SDS: variants seen among roughly 807,000 people sequenced by gnomAD.
SDS encodes serine dehydratase.
A neutral mutation model predicts 29.3 loss-of-function variants in SDS; 19 were observed. The observed-to-expected ratio is 0.65, with a 90% confidence interval of 0.45 to 0.95. The LOEUF is 0.95. Among genes scored for constraint, SDS ranks in the 40% least tolerant of loss-of-function variants. SDS has a pLI of 0.00. For synonymous variants in SDS, 176 were observed against 189.0 expected, an observed-to-expected ratio of 0.93 and a Z score of 0.56; for missense variants, 375 against 439.9, an observed-to-expected ratio of 0.85 and a Z score of 1.32.
rs541012908 is a variant in SDS at position 113,398,349 on chromosome 12, G to T, written c.425+166C>A. 2.0e-5 allele frequency among the ~76,000 whole-genome samples: 3 copies of T among 152,326 alleles called. No homozygotes were observed. In the East Asian group the frequency reaches 5.8e-4, roughly 29 times the overall value. On this transcript the variant is annotated intron_variant, in intron 5 of 7. Coordinates refer to ENST00000257549, the MANE Select transcript of SDS (RefSeq NM_006843.3). Reference sequence around the variant, plus strand: ...GCCTCCCAAAGTGCTGGGATTACAGGCGTGAGCCACTGTGCCCCGCCTAAG... The same window carrying T: ...GCCTCCCAAAGTGCTGGGATTACAGTCGTGAGCCACTGTGCCCCGCCTAAG...
chr12:113,401,339 T>A (rs549126220), intron 1 of SDS, among the ~76,000 whole-genome samples: 1 of 152,328 alleles, frequency 6.6e-6, no homozygotes. Flanking sequence ...TTGTCATAAT[T>A]ATTATAGCAG....
At position 113,397,552 on chromosome 12, in the gene SDS, A is replaced by G. The variant is rs578214528; in HGVS notation, c.426-160T>C. ...CTGCCAGCATCTGTGTCTCTGCCTG[A>G]GGACCTTCTCTGGCCACCTGAGCTA... On this transcript the variant is annotated intron_variant, in intron 5 of 7. Coordinates refer to ENST00000257549, the MANE Select transcript of SDS (RefSeq NM_006843.3). Among the ~76,000 whole-genome samples, 11 of 152,222 alleles carry G rather than the reference A, an allele frequency of 7.2e-5. No homozygotes were observed. In the South Asian group the frequency reaches 2.3e-3, roughly 32 times the overall value.
intron 7 of SDS, 115 bp from the exon 8 acceptor site, chr12:113,393,264 T>C (rs983433179): frequency 9.7e-7 from 1 of 1,027,064 alleles, no homozygotes; most frequent in South Asian, 1.3e-5. Flanking sequence ...CAGCCCTGGC[T>C]GCAGCCGCAG....
chr12:113,398,943 C>T, intron 3 of SDS, 97 bp from the exon 4 acceptor site: 13 of 1,521,820 alleles, frequency 8.5e-6, no homozygotes, highest in Non-Finnish European at 1.2e-5. Flanking sequence ...GAGTTCCCCC[C>T]TCACCTCCCC....
chr12:113,395,983 C>T (rs957892102), intron 6 of SDS, among the ~76,000 whole-genome samples: 4 of 152,162 alleles, frequency 2.6e-5, no homozygotes, highest in African/African-American at 7.2e-5. Flanking sequence ...TTGGGGCAGA[C>T]GCCTACTCCT....
intron 2 of SDS, 137 bp from the exon 3 acceptor site, chr12:113,399,288 T>A: frequency 1.0e-6 from 1 of 982,678 alleles, no homozygotes; most frequent in Non-Finnish European, 1.6e-6. Flanking sequence ...TACCCTTGTC[T>A]GAGACTGCAC....
intron 7 of SDS, 32 bp downstream of exon 7, chr12:113,393,860 C>T: frequency 6.2e-7 from 1 of 1,613,486 alleles, no homozygotes; most frequent in Non-Finnish European, 8.5e-7. Flanking sequence ...CCTGAGTCAG[C>T]AGGTCAGGTC....
At chr12:113,399,274 G>T in intron 2 of SDS, 123 bp from the exon 3 acceptor site, 1 of 1,115,832 alleles carries the variant, frequency 9.0e-7, no homozygotes, top group Non-Finnish European at 1.3e-6. Flanking sequence ...CTCAGAATTT[G>T]TTCTACCCTT....
intron 1 of SDS, among the ~76,000 whole-genome samples, chr12:113,401,747 G>A (rs1414196748): frequency 6.6e-6 from 1 of 152,130 alleles, no homozygotes; most frequent in East Asian, 1.9e-4. Flanking sequence ...AGCAGCTGGG[G>A]TGGCCCGGGG....
Position 113,392,807 on chromosome 12 carries a change from C to T in SDS, c.*134G>A, listed in dbSNP as rs747418375. 2.1e-5 allele frequency: 18 copies of T among 853,048 alleles called. No individual in the cohort carries two copies. Among genetic ancestry groups the T allele is most frequent in the Non-Finnish European group, 3.3e-5 (17 of 521,304 alleles). The allele number at this position is 853,048 out of a possible 1,614,324, so 52.8% of individuals were successfully genotyped here. A position where few individuals can be genotyped will look rare whatever the true frequency, so the allele number is the denominator to read the frequency against. On this transcript the variant is annotated 3_prime_UTR_variant, in exon 8 of 8. Coordinates refer to ENST00000257549, the MANE Select transcript of SDS (RefSeq NM_006843.3). ...ACCTTTGGCCTCTGCATAGTGGGCT[C>T]CTGATAACAAGAAGTTAACCTGCAC...
intron 6 of SDS, 75 bp downstream of exon 6, chr12:113,397,090 C>G (rs1235421566): frequency 7.8e-7 from 1 of 1,282,816 alleles, no homozygotes; most frequent in Admixed American, 1.9e-5. Flanking sequence ...ACATCAGGAT[C>G]TATCTCAAAG....
At chr12:113,401,321 T>C (rs1957683447) in intron 1 of SDS, among the ~76,000 whole-genome samples, 1 of 152,244 alleles carries the variant, frequency 6.6e-6, no homozygotes, top group Admixed American at 6.5e-5. Context: ...CTTTCATAAT[T>C]ATTAATTTTG....
Position 113,392,795 on chromosome 12 carries a change from G to T in SDS, c.*146C>A. Reference sequence around the variant, plus strand: ...CGCTGGCTGCCGACCTTTGGCCTCTGCATAGTGGGCTCCTGATAACAAGAA... The same window carrying T: ...CGCTGGCTGCCGACCTTTGGCCTCTTCATAGTGGGCTCCTGATAACAAGAA... On this transcript the variant is annotated 3_prime_UTR_variant, in exon 8 of 8. Coordinates refer to ENST00000257549, the MANE Select transcript of SDS (RefSeq NM_006843.3). 1 of 799,080 alleles carries T rather than the reference G, an allele frequency of 1.3e-6. No individual in the cohort carries two copies. 49.5% of individuals were successfully genotyped at this position (799,080 alleles called of 1,614,324 possible).
intron 2 of SDS, 97 bp downstream of exon 2, chr12:113,399,459 C>A: frequency 7.4e-7 from 1 of 1,357,014 alleles, no homozygotes; most frequent in Non-Finnish European, 9.7e-7. Context: ...GTAGGCTTAT[C>A]CTACAACGCC....
In SDS at chr12:113,392,939, C is replaced by A. The variant is rs760149546; in HGVS notation, c.*2G>T. 1.2e-6 allele frequency: 2 copies of A among 1,613,842 alleles called. No homozygotes were observed. Among genetic ancestry groups the A allele is most frequent in the Non-Finnish European group, 1.7e-6 (2 of 1,179,894 alleles). ...GAGCACAGATCGGTAAGGGGTCCGT[C>A]CTCACTTGGGCAACCTATTTGTCAT... On this transcript the variant is annotated 3_prime_UTR_variant, in exon 8 of 8. Coordinates refer to ENST00000257549, the MANE Select transcript of SDS (RefSeq NM_006843.3).
intron 7 of SDS, among the ~76,000 whole-genome samples, chr12:113,393,494 CTT>C (rs1246538849): frequency 6.6e-6 from 1 of 152,162 alleles, no homozygotes; most frequent in East Asian, 1.9e-4. Flanking sequence ...TTTTTTCTCT[CTT>C]TTTTGCCATC....
chr12:113,402,966 G>A (rs1957693670), intron 1 of SDS, among the ~76,000 whole-genome samples: 1 of 152,128 alleles, frequency 6.6e-6, no homozygotes, highest in South Asian at 2.1e-4. Context: ...GTGCTCAGTC[G>A]ATATGAACTA....
intron 6 of SDS, 86 bp from the exon 7 acceptor site, chr12:113,394,102 G>A (rs1957630198): frequency 2.2e-6 from 3 of 1,339,372 alleles, no homozygotes; most frequent in African/African-American, 1.4e-5. Context: ...GGAGATGGAT[G>A]TGAGACAGAG....
At position 113,399,666 on chromosome 12, in the gene SDS, C is replaced by CA; in HGVS notation, c.42dup (p.Asp15Ter). ...GCCATTTTGGACAGGGCCATGCTGT[C>CA]ACGGATGGGGGTCTTCACGTGCAGG... On this transcript the variant is annotated frameshift_variant, in exon 2 of 8. Coordinates refer to ENST00000257549, the MANE Select transcript of SDS (RefSeq NM_006843.3). LOFTEE classifies it high-confidence loss of function. 6.3e-7 allele frequency: 1 copy of CA among 1,598,922 alleles called. No homozygotes were observed.
Sources: gnomAD v4.1 joint callset for allele counts (sites outside exome capture counted in the v4.1 genomes callset) on GRCh38, gnomAD v4.1.1 for gene constraint, MANE v1.5 for transcripts, NCBI Gene and HGNC (gene_info 2026-07-23, HGNC 2026-07-21) for gene names.